Variants in ZBBX observed in about 807,000 individuals in gnomAD.
The protein encoded by ZBBX is zinc finger B-box domain containing.
Under a neutral mutation model 108.5 loss-of-function variants are expected in ZBBX, and 101 were observed. The ratio of observed to expected loss-of-function variants is 0.93; its 90% confidence interval spans 0.79 to 1.10. ZBBX has a LOEUF of 1.10. Among genes scored for constraint, ZBBX ranks in the 50% least tolerant of loss-of-function variants. The pLI, the probability that ZBBX is intolerant of heterozygous loss-of-function variation, is 0.00. For missense variants in ZBBX, 1,009 were observed against 941.4 expected (o/e 1.07, Z -0.94); for synonymous variants, 356 against 323.4 (o/e 1.10, Z -1.08).
the ZBBX span, among the ~76,000 whole-genome samples, chr3:167,184,024 T>G: frequency 1.3e-4 from 20 of 152,018 alleles, no homozygotes; most frequent in Admixed American, 1.3e-3. Context: ...AAATGAATGA[T>G]GAGTTCAGAA....
chr3:167,406,828 A>G (rs1748601910), intron 1 of ZBBX, among the ~76,000 whole-genome samples: 1 of 152,198 alleles, frequency 6.6e-6, no homozygotes. Context: ...TCCTAATTCT[A>G]TTCTTGAAAA....
chr3:167,276,394 A>G (rs1727584048), intron 20 of ZBBX, among the ~76,000 whole-genome samples: 1 of 152,212 alleles, frequency 6.6e-6, no homozygotes, highest in Non-Finnish European at 1.5e-5. Context: ...AGAAGTGCTT[A>G]AAGGAGCTGA....
At chr3:167,244,196 C>T (rs919730064) in intron 20 of ZBBX, among the ~76,000 whole-genome samples, 3 of 152,180 alleles carry the variant, frequency 2.0e-5, no homozygotes, top group African/African-American at 7.2e-5. Context: ...TCTCTGGTAG[C>T]TCACCAATAT....
chr3:167,243,936 T>C (rs1445410102), intron 20 of ZBBX, among the ~76,000 whole-genome samples: 1 of 152,074 alleles, frequency 6.6e-6, no homozygotes, highest in Non-Finnish European at 1.5e-5. Flanking sequence ...ATGGGTACGT[T>C]CAATAAGCTT....
chr3:167,260,937 G>T (rs1320911550), intron 20 of ZBBX, among the ~76,000 whole-genome samples: 3 of 152,158 alleles, frequency 2.0e-5, no homozygotes, highest in Non-Finnish European at 4.4e-5. Context: ...AGGTTTTCTG[G>T]TTCCTTCTCA....
chr3:167,312,187 G>T (rs1734704724), intron 16 of ZBBX, among the ~76,000 whole-genome samples: 2 of 152,198 alleles, frequency 1.3e-5, no homozygotes, highest in South Asian at 4.1e-4. Context: ...ATTATTAAAG[G>T]CTATGTACTG....
upstream of ZBBX, among the ~76,000 whole-genome samples, chr3:167,384,539 A>G (rs984835619): frequency 4.6e-5 from 7 of 151,924 alleles, no homozygotes; most frequent in African/African-American, 1.7e-4. Flanking sequence ...AAAATATGAC[A>G]TAGCTCTAGT....
the ZBBX span, among the ~76,000 whole-genome samples, chr3:167,208,359 C>A: frequency 6.6e-6 from 1 of 152,200 alleles, no homozygotes; most frequent in Non-Finnish European, 1.5e-5. Context: ...TGTGCTCCTT[C>A]TCCTCCAACA....
At chr3:167,193,841 G>A in the ZBBX span, among the ~76,000 whole-genome samples, 4 of 152,206 alleles carry the variant, frequency 2.6e-5, no homozygotes, top group South Asian at 8.3e-4. Context: ...GGGTGAAACT[G>A]CTGGTTATTA....
At chr3:167,259,228 A>G (rs947886239) in intron 20 of ZBBX, among the ~76,000 whole-genome samples, 2 of 152,140 alleles carry the variant, frequency 1.3e-5, no homozygotes, top group African/African-American at 2.4e-5. Flanking sequence ...GAATTTATCC[A>G]TGTATTCTAG....
intron 10 of ZBBX, among the ~76,000 whole-genome samples, chr3:167,328,967 T>C (rs1737900384): frequency 6.6e-6 from 1 of 152,226 alleles, no homozygotes; most frequent in Admixed American, 6.5e-5. Context: ...TCCCCATTAG[T>C]ATATAATGAA....
intron 2 of ZBBX, among the ~76,000 whole-genome samples, chr3:167,374,737 G>C (rs577490694): frequency 6.6e-6 from 1 of 152,210 alleles, no homozygotes; most frequent in African/African-American, 2.4e-5. Context: ...ATAAAACAAG[G>C]TAAAAATTAT....
chr3:167,252,271 G>A, intron 20 of ZBBX: 1 of 1,025,704 alleles, frequency 9.7e-7, no homozygotes, highest in Middle Eastern at 2.4e-4. Flanking sequence ...AGCTTTCACA[G>A]AGATTTGAAC....
chr3:167,274,457 C>A (rs1693733618), intron 20 of ZBBX, among the ~76,000 whole-genome samples: 1 of 152,080 alleles, frequency 6.6e-6, no homozygotes, highest in Non-Finnish European at 1.5e-5. Context: ...ACAGCAAAGC[C>A]AGAACATGTT....
intron 8 of ZBBX, among the ~76,000 whole-genome samples, chr3:167,351,440 G>A (rs753787237): frequency 1.3e-5 from 2 of 152,150 alleles, no homozygotes; most frequent in Non-Finnish European, 2.9e-5. Context: ...GAATTCAGAA[G>A]AGAGATGATG....
chr3:167,239,422 C>T (rs1157610002), downstream of ZBBX, among the ~76,000 whole-genome samples: 1 of 152,032 alleles, frequency 6.6e-6, no homozygotes, highest in African/African-American at 2.4e-5. Context: ...ACTCCTGAGA[C>T]ACAAAACTCA....
intron 2 of ZBBX, among the ~76,000 whole-genome samples, chr3:167,375,342 A>C (rs1330921158): frequency 1.3e-5 from 2 of 152,160 alleles, no homozygotes; most frequent in Non-Finnish European, 2.9e-5. Flanking sequence ...CTGTAATCCC[A>C]GTACCTTGGG....
intron 4 of ZBBX, 22 bp from the exon 5 acceptor site, chr3:167,368,596 G>T: frequency 1.3e-6 from 2 of 1,525,272 alleles, no homozygotes; most frequent in Non-Finnish European, 1.8e-6. Flanking sequence ...AGATTTAAAT[G>T]GAGAAAGCAG....
chr3:167,328,216 A>C (rs1175922140), intron 10 of ZBBX, 100 bp from the exon 11 acceptor site: 1 of 1,165,234 alleles, frequency 8.6e-7, no homozygotes, highest in African/African-American at 1.6e-5. Flanking sequence ...ATACAGGTAG[A>C]ACTAATTATT....
Sources: allele counts gnomAD v4.1 joint callset (sites outside exome capture counted in the v4.1 genomes callset), GRCh38; gene constraint gnomAD v4.1.1; transcripts MANE v1.5; gene names NCBI Gene and HGNC (gene_info 2026-07-23, HGNC 2026-07-21).